Variants in OPRD1 observed in about 807,000 individuals in gnomAD.
OPRD1 encodes opioid receptor delta 1.
Under a neutral mutation model 17.5 loss-of-function variants are expected in OPRD1, and 19 were observed. That is an observed-to-expected ratio of 1.09 (90% confidence interval 0.76 to 1.60). The LOEUF (loss-of-function observed/expected upper bound fraction) is 1.60. OPRD1 is among the 40% of genes most tolerant of loss of function. The pLI is 0.00. For missense variants in OPRD1, 483 were observed against 547.2 expected (o/e 0.88, Z 1.17); for synonymous variants, 256 against 240.9 (o/e 1.06, Z -0.58).
chr1:28,821,851 G>A (rs2088714836), intron 1 of OPRD1, among the ~76,000 whole-genome samples: 1 of 151,994 alleles, frequency 6.6e-6, no homozygotes, highest in Admixed American at 6.6e-5. Flanking sequence ...ATCAGCACAG[G>A]CAACATAGCA....
At position 28,859,317 on chromosome 1, in the gene OPRD1, TGCACCATG is replaced by T; in HGVS notation, c.577+19_577+26del. ...CCCGTCCCCGGGGTGAGTGAGTGAG[TGCACCATG>T]GCACAGGCCACTGACCACAGGAGGC... On this transcript the variant is annotated intron_variant, in intron 2 of 2. Coordinates refer to ENST00000234961, the MANE Select transcript of OPRD1 (RefSeq NM_000911.4). 1 of 1,602,328 alleles carries T rather than the reference TGCACCATG, an allele frequency of 6.2e-7. No homozygotes were observed. The highest frequency in any genetic ancestry group is 2.2e-5 in the East Asian group (1 of 44,676).
chr1:28,859,514 G>T (rs1348234680), intron 2 of OPRD1, among the ~76,000 whole-genome samples: 1 of 152,188 alleles, frequency 6.6e-6, no homozygotes, highest in Non-Finnish European at 1.5e-5. Flanking sequence ...TGGCCAGGGG[G>T]GCATGCGGAT....
Position 28,862,994 on chromosome 1 carries a change from T to G in OPRD1, c.830T>G (p.Ile277Ser). 3 of 1,610,518 alleles carry G rather than the reference T, an allele frequency of 1.9e-6. No individual in the cohort carries two copies. Among genetic ancestry groups the G allele is most frequent in the Non-Finnish European group, 1.7e-6 (2 of 1,178,558 alleles). The part of the protein sequence containing the change: ...VGAFVVCWAP[I>S]HIFVIVWTLV... ...GCCTTCGTGGTGTGTTGGGCGCCCA[T>G]CCACATCTTCGTCATCGTCTGGACG... Residue 277 changes from isoleucine (I) to serine (S), a missense_variant, in exon 3 of 3, where the codon ATC (isoleucine) becomes AGC (serine). By Grantham distance (142) the Ile-to-Ser change is moderately radical. Transcript: ENST00000234961.
rs1176192742 is a variant in OPRD1 at position 28,867,018 on chromosome 1, TTC to T, written c.*3736_*3737del. On this transcript the variant is annotated 3_prime_UTR_variant, in exon 3 of 3. Coordinates refer to ENST00000234961, the MANE Select transcript of OPRD1 (RefSeq NM_000911.4). The stretch of plus-strand genomic sequence containing the variant: ...TCTTCATCATCTTTTTTTTTTTTTT[TTC>T]AGCCAGTGTCTTGCTCTGTTGCCCA... The T allele has an allele frequency of 1.3e-5, 2 of 151,248 alleles. No individual in the cohort carries two copies. Among genetic ancestry groups the T allele is most frequent in the East Asian group, 1.9e-4 (1 of 5,138 alleles). The allele number at this position is 151,248 out of a possible 1,614,324, so 9.4% of individuals were successfully genotyped here.
Position 28,812,291 on chromosome 1 carries a change from G to T in OPRD1, c.-93G>T. On this transcript the variant is annotated 5_prime_UTR_variant, in exon 1 of 3. Coordinates refer to ENST00000234961, the MANE Select transcript of OPRD1 (RefSeq NM_000911.4). ...GGGGCGCGGCAGCCGGCGGCGTCGG[G>T]GCCGCGGCCTCTGCCTTGCCGCTCC... 1.1e-6 allele frequency: 1 copy of T among 886,674 alleles called. No individual in the cohort carries two copies. 54.9% of individuals were successfully genotyped at this position (886,674 alleles called of 1,614,324 possible). A position where few individuals can be genotyped will look rare whatever the true frequency, so the allele number is the denominator to read the frequency against.
intron 1 of OPRD1, among the ~76,000 whole-genome samples, chr1:28,818,354 T>A (rs2088687342): frequency 6.6e-6 from 1 of 152,114 alleles, no homozygotes; most frequent in Non-Finnish European, 1.5e-5. Context: ...CTAACACAGC[T>A]ATGTCCCATG....
At chr1:28,853,155 A>G (rs1335313772) in intron 1 of OPRD1, among the ~76,000 whole-genome samples, 2 of 152,254 alleles carry the variant, frequency 1.3e-5, no homozygotes, top group East Asian at 3.8e-4. Context: ...AGTGTTCACT[A>G]ATATCTGCTT....
chr1:28,845,743 G>T (rs1345147467), intron 1 of OPRD1, among the ~76,000 whole-genome samples: 1 of 151,988 alleles, frequency 6.6e-6, no homozygotes, highest in African/African-American at 2.4e-5. Context: ...GTTAATTTTT[G>T]TATATGGTGT....
chr1:28,862,995 C>T lies in OPRD1; in HGVS notation c.831C>T (p.Ile277=), dbSNP rs1557581641. The T allele has an allele frequency of 6.2e-7, 1 of 1,610,484 alleles. No individual in the cohort carries two copies. The highest frequency in any genetic ancestry group is 8.5e-7 in the Non-Finnish European group (1 of 1,178,550). Residue 277 remains isoleucine (I), a synonymous_variant, in exon 3 of 3, where the codon ATC becomes ATT. Coordinates refer to ENST00000234961, the MANE Select transcript of OPRD1 (RefSeq NM_000911.4). ...VGAFVVCWAP[I]HIFVIVWTLV... is the part of the protein sequence containing the mutation. ...CCTTCGTGGTGTGTTGGGCGCCCAT[C>T]CACATCTTCGTCATCGTCTGGACGC...
intron 1 of OPRD1, among the ~76,000 whole-genome samples, chr1:28,850,328 AT>A (rs1206686986): frequency 1.3e-5 from 2 of 150,554 alleles, no homozygotes; most frequent in African/African-American, 4.9e-5. Context: ...ATCTCTACAA[AT>A]TTTATTTTTT....
At chr1:28,856,273 A>G (rs529606609) in intron 1 of OPRD1, among the ~76,000 whole-genome samples, 2 of 152,324 alleles carry the variant, frequency 1.3e-5, no homozygotes, top group South Asian at 4.1e-4. Flanking sequence ...TTTAGGCTAC[A>G]TAGTAATTCT....
At chr1:28,857,824 G>A (rs2089070918) in intron 1 of OPRD1, among the ~76,000 whole-genome samples, 2 of 151,892 alleles carry the variant, frequency 1.3e-5, no homozygotes, top group South Asian at 2.1e-4. Flanking sequence ...ACGGAGTCTC[G>A]GTCTGTCGCC....
At chr1:28,839,861 C>A (rs897792025) in intron 1 of OPRD1, among the ~76,000 whole-genome samples, 2 of 152,104 alleles carry the variant, frequency 1.3e-5, no homozygotes, top group Admixed American at 6.6e-5. Context: ...CCAGGGTGAG[C>A]ATGGGAGAAG....
chr1:28,826,499 G>C (rs1569612682), intron 1 of OPRD1, among the ~76,000 whole-genome samples: 4 of 151,820 alleles, frequency 2.6e-5, no homozygotes, highest in African/African-American at 9.7e-5. Context: ...CTGGGTGAGA[G>C]AGCCAGACCC....
At chr1:28,839,947 T>C (rs2088882585) in intron 1 of OPRD1, among the ~76,000 whole-genome samples, 2 of 152,156 alleles carry the variant, frequency 1.3e-5, no homozygotes, top group African/African-American at 4.8e-5. Context: ...AGAGATGCTC[T>C]GATTCGATCT....
intron 1 of OPRD1, among the ~76,000 whole-genome samples, chr1:28,821,492 C>G (rs766382208): frequency 7.2e-5 from 11 of 152,120 alleles, no homozygotes; most frequent in Non-Finnish European, 1.2e-4. Flanking sequence ...CCCACCTTGG[C>G]CTCCGAAAGT....
At chr1:28,812,694 C>G in intron 1 of OPRD1, 84 bp downstream of exon 1, 1 of 1,212,346 alleles carries the variant, frequency 8.2e-7, no homozygotes, top group Non-Finnish European at 1.1e-6. Flanking sequence ...AAGCCCGTTC[C>G]CTGGACTCCC....
At chr1:28,837,478 T>C (rs1013725498) in intron 1 of OPRD1, among the ~76,000 whole-genome samples, 1 of 151,728 alleles carries the variant, frequency 6.6e-6, no homozygotes, top group African/African-American at 2.4e-5. Context: ...TGAAACCCTG[T>C]CTCTACTAAA....
In OPRD1 at chr1:28,812,610, G is replaced by A. The variant is rs1186937651; in HGVS notation, c.227G>A (p.Arg76Gln). ...GNVLVMFGIV[R>Q]YTKMKTATNI... is the part of the protein sequence containing the mutation. ...GTGCTTGTCATGTTCGGCATCGTCC[G>A]GTGAGTCCGCTGCGGGCCGGCGCCG... Residue 76 changes from arginine (R) to glutamine (Q), a missense_variant and splice_region_variant, in exon 1 of 3, where the codon CGG becomes CAG. Transcript: ENST00000234961. 4.6e-6 allele frequency: 7 copies of A among 1,508,166 alleles called. No homozygotes were observed. Among genetic ancestry groups the A allele is most frequent in the East Asian group, 2.7e-5 (1 of 37,360 alleles). The allele number at this position is 1,508,166 out of a possible 1,614,324, so 93.4% of individuals were successfully genotyped here.
Sources: gnomAD v4.1 joint callset for allele counts (sites outside exome capture counted in the v4.1 genomes callset) on GRCh38, gnomAD v4.1.1 for gene constraint, MANE v1.5 for transcripts, NCBI Gene and HGNC (gene_info 2026-07-23, HGNC 2026-07-21) for gene names.